The following ATOSA variants were observed in gnomAD, a reference collection of about 807,000 sequenced individuals.
The protein encoded by ATOSA is atos homolog protein A.
chr15:52,700,232 C>G, the ATOSA span, among the ~76,000 whole-genome samples: 2 of 152,108 alleles, frequency 1.3e-5, no homozygotes, highest in Non-Finnish European at 2.9e-5. Flanking sequence ...AGATTATAAA[C>G]CCCTCAAAAG....
the ATOSA span, among the ~76,000 whole-genome samples, chr15:52,687,131 C>A: frequency 2.0e-5 from 3 of 152,174 alleles, no homozygotes; most frequent in South Asian, 4.1e-4. Context: ...TGCGGCCGGG[C>A]GCGGTGGCTC....
chr15:52,665,276 G>A, the ATOSA span, among the ~76,000 whole-genome samples: 4 of 152,296 alleles, frequency 2.6e-5, no homozygotes, highest in South Asian at 4.1e-4. Context: ...TTGAAATTAC[G>A]GGGGTGAGGG....
chr15:52,602,030 A>G, the ATOSA span, among the ~76,000 whole-genome samples: 1 of 152,078 alleles, frequency 6.6e-6, no homozygotes, highest in Non-Finnish European at 1.5e-5. Flanking sequence ...TTCTTATTCT[A>G]TTTAGTCCTT....
chr15:52,607,640 A>G, the ATOSA span, among the ~76,000 whole-genome samples: 1 of 152,184 alleles, frequency 6.6e-6, no homozygotes, highest in African/African-American at 2.4e-5. Context: ...GTGAAGTATC[A>G]AAAAGAACCA....
the ATOSA span, among the ~76,000 whole-genome samples, chr15:52,692,086 C>A: frequency 6.6e-6 from 1 of 151,956 alleles, no homozygotes; most frequent in African/African-American, 2.4e-5. Context: ...TCCATCCCCC[C>A]AAAAACATAA....
the ATOSA span, among the ~76,000 whole-genome samples, chr15:52,698,270 C>T: frequency 1.3e-5 from 2 of 151,960 alleles, no homozygotes; most frequent in South Asian, 2.1e-4. Context: ...TGAGCCACCA[C>T]GCCTGTTCCA....
chr15:52,666,295 T>C, the ATOSA span, among the ~76,000 whole-genome samples: 1 of 152,182 alleles, frequency 6.6e-6, no homozygotes, highest in Non-Finnish European at 1.5e-5. Flanking sequence ...GCAAGAGACA[T>C]TTCCAAAGGA....
the ATOSA span, among the ~76,000 whole-genome samples, chr15:52,646,715 T>C: frequency 6.6e-6 from 1 of 152,226 alleles, no homozygotes; most frequent in African/African-American, 2.4e-5. Context: ...AAGCCTCAAT[T>C]TTTAAATATT....
chr15:52,674,586 TATAA>T, the ATOSA span, among the ~76,000 whole-genome samples: 3 of 152,224 alleles, frequency 2.0e-5, no homozygotes, highest in African/African-American at 7.2e-5. Context: ...CAAATGACAA[TATAA>T]ATACATTATA....
the ATOSA span, among the ~76,000 whole-genome samples, chr15:52,635,867 G>A: frequency 1.1e-4 from 17 of 151,586 alleles, no homozygotes; most frequent in African/African-American, 1.9e-4. Context: ...GCGGTGGCAG[G>A]CGCCTGTAAT....
chr15:52,584,673 A>G, the ATOSA span: 1 of 1,316,006 alleles, frequency 7.6e-7, no homozygotes, highest in South Asian at 1.4e-5. Context: ...TTAGAGTCAC[A>G]GTTTAAAAAA....
At chr15:52,591,922 T>G in the ATOSA span, among the ~76,000 whole-genome samples, 5 of 152,172 alleles carry the variant, frequency 3.3e-5, no homozygotes, top group African/African-American at 1.2e-4. Context: ...GATGTGAACG[T>G]TGTTGGGAAA....
chr15:52,588,923 C>G, the ATOSA span, among the ~76,000 whole-genome samples: 2 of 152,220 alleles, frequency 1.3e-5, no homozygotes, highest in South Asian at 4.1e-4. Context: ...CAGCACTGTT[C>G]TATCAGGTGA....
the ATOSA span, chr15:52,608,920 T>A: frequency 6.2e-7 from 1 of 1,606,652 alleles, no homozygotes; most frequent in Non-Finnish European, 8.5e-7. Context: ...TTTTGGATTA[T>A]AGTTCTCATT....
chr15:52,606,777 G>C, the ATOSA span, among the ~76,000 whole-genome samples: 1 of 152,122 alleles, frequency 6.6e-6, no homozygotes, highest in East Asian at 1.9e-4. Context: ...GAGATCTTCT[G>C]AAGAAAAATA....
At chr15:52,631,576 G>A in the ATOSA span, among the ~76,000 whole-genome samples, 1 of 152,048 alleles carries the variant, frequency 6.6e-6, no homozygotes, top group East Asian at 1.9e-4. Flanking sequence ...ATGTGTTATG[G>A]CAAATTAGTT....
At chr15:52,600,308 T>A in the ATOSA span, 1 of 868,274 alleles carries the variant, frequency 1.2e-6, no homozygotes. Context: ...AGACAGGGTC[T>A]CACTCTGTCA....
At chr15:52,631,502 T>C in the ATOSA span, among the ~76,000 whole-genome samples, 2 of 152,202 alleles carry the variant, frequency 1.3e-5, no homozygotes, top group African/African-American at 4.8e-5. Context: ...ACTTACAATA[T>C]TGTTCAACTT....
the ATOSA span, among the ~76,000 whole-genome samples, chr15:52,630,720 A>G: frequency 6.6e-6 from 1 of 152,286 alleles, no homozygotes; most frequent in African/African-American, 2.4e-5. Context: ...ATGCTAGGAG[A>G]CTAATATAAG....
Sources: gnomAD v4.1 joint callset for allele counts (sites outside exome capture counted in the v4.1 genomes callset) on GRCh38, gnomAD v4.1.1 for gene constraint, MANE v1.5 for transcripts, NCBI Gene and HGNC (gene_info 2026-07-23, HGNC 2026-07-21) for gene names.